The following ATXN3 variants were observed in gnomAD, a reference collection of about 807,000 sequenced individuals.
ATXN3 encodes ataxin 3.
In ATXN3, 28 loss-of-function variants were observed where a neutral mutation model predicts 58.2. The ratio of observed to expected loss-of-function variants is 0.48; its 90% CI spans 0.36 to 0.66. The LOEUF (loss-of-function observed/expected upper bound fraction) is 0.66, where lower values mean the gene tolerates loss of function less well. Ranked by LOEUF, ATXN3 falls within the 30% of genes least tolerant of loss-of-function variation. The pLI, the probability that ATXN3 is intolerant of heterozygous loss-of-function variation, is 0.00. For synonymous variants in ATXN3, 113 were observed against 138.5 expected (o/e 0.82, Z 1.29); for missense variants, 321 against 422.1 (o/e 0.76, Z 2.10).
chr14:92,093,938 C>T (rs1595905229), intron 3 of ATXN3, 107 bp from the exon 4 acceptor site: 3 of 612,780 alleles, frequency 4.9e-6, no homozygotes, highest in Non-Finnish European at 2.8e-6. Flanking sequence ...CTCTAGAAGG[C>T]TATAGGTTTT....
intron 2 of ATXN3, among the ~76,000 whole-genome samples, chr14:92,046,093 G>A (rs933624716): frequency 2.6e-5 from 4 of 152,192 alleles, no homozygotes; most frequent in Non-Finnish European, 4.4e-5. Context: ...CCATATAACA[G>A]CATTGTGGTG....
chr14:92,091,433 A>T (rs1049622801), intron 5 of ATXN3, among the ~76,000 whole-genome samples: 26 of 150,066 alleles, frequency 1.7e-4, no homozygotes, highest in African/African-American at 6.2e-4. Flanking sequence ...CCTGGGCGAT[A>T]GAGCAAGAAT....
intron 3 of ATXN3, among the ~76,000 whole-genome samples, chr14:92,094,561 T>G (rs1363389676): frequency 6.6e-6 from 1 of 152,142 alleles, no homozygotes; most frequent in Non-Finnish European, 1.5e-5. Flanking sequence ...AAACTGAAGG[T>G]TCCATAGATG....
intron 1 of ATXN3, among the ~76,000 whole-genome samples, chr14:92,048,388 G>A (rs756799172): frequency 1.7e-4 from 26 of 152,168 alleles, no homozygotes; most frequent in East Asian, 9.6e-4. Flanking sequence ...TTTGAGGGCC[G>A]GAATCTAATT....
intron 5 of ATXN3, among the ~76,000 whole-genome samples, chr14:92,090,144 C>G (rs1282992644): frequency 6.6e-6 from 1 of 152,194 alleles, no homozygotes; most frequent in African/African-American, 2.4e-5. Context: ...AGATGGTCAT[C>G]TAGTCTGGAG....
intron 2 of ATXN3, among the ~76,000 whole-genome samples, chr14:92,046,502 G>A (rs1389484883): frequency 2.6e-5 from 4 of 152,236 alleles, no homozygotes; most frequent in African/African-American, 7.2e-5. Context: ...GCATGGTCCT[G>A]GCTCTTGTGT....
At chr14:92,093,529 G>A in intron 4 of ATXN3, 2 of 621,578 alleles carry the variant, frequency 3.2e-6, no homozygotes, top group Non-Finnish European at 5.7e-6. Context: ...ACCACTTATG[G>A]GGTCAGCTCT....
At chr14:92,070,775 T>C in intron 10 of ATXN3, 160 bp downstream of exon 10, 6 of 1,343,242 alleles carry the variant, frequency 4.5e-6, no homozygotes, top group Non-Finnish European at 5.9e-6. Flanking sequence ...TGGTAACTGC[T>C]CCTTAATCCA....
intron 1 of ATXN3, among the ~76,000 whole-genome samples, chr14:92,099,326 A>G (rs867682450): frequency 6.6e-6 from 1 of 152,214 alleles, no homozygotes; most frequent in African/African-American, 2.4e-5. Context: ...TATGGGTTAT[A>G]TGTGTATAAT....
Position 92,085,102 on chromosome 14 carries a change from T to C in ATXN3, c.476-1844A>G, listed in dbSNP as rs529273872. On this transcript the variant is annotated intron_variant, in intron 6 of 10. Coordinates refer to ENST00000644486, the MANE Select transcript of ATXN3 (RefSeq NM_004993.6). ...AATATGCCAGCTCACCATGGTATTC[T>C]ATGAAGAGTGTCTGAAGAATGGATA... is the stretch of plus-strand genomic sequence containing the variant. 5.3e-5 allele frequency among the ~76,000 whole-genome samples: 8 copies of C among 152,306 alleles called. No individual in the cohort carries two copies. In the South Asian group the frequency reaches 1.4e-3, roughly 28 times the overall value.
intron 6 of ATXN3, among the ~76,000 whole-genome samples, chr14:92,088,070 C>G (rs1468418652): frequency 2.0e-5 from 3 of 150,230 alleles, no homozygotes; most frequent in Non-Finnish European, 4.4e-5. Context: ...TTTTTTTTTT[C>G]TTTTCTTTTT....
chr14:92,067,008 G>A (rs1270592322), intron 10 of ATXN3, among the ~76,000 whole-genome samples: 2 of 151,968 alleles, frequency 1.3e-5, no homozygotes, highest in Non-Finnish European at 2.9e-5. Context: ...GACTTCAGGT[G>A]ATCTGCCTGC....
chr14:92,057,750 T>C (rs1322871512), downstream of ATXN3, among the ~76,000 whole-genome samples: 1 of 152,256 alleles, frequency 6.6e-6, no homozygotes, highest in Non-Finnish European at 1.5e-5. Context: ...ACATTTGGAT[T>C]CTGGTGTCCA....
At position 92,096,083 on chromosome 14, in the gene ATXN3, G is replaced by T; in HGVS notation, c.234+10C>A. On this transcript the variant is annotated intron_variant, in intron 3 of 10. Transcript: ENST00000644486. ...TAAGCAACACATAGTACATGCTTGT[G>T]ACTACTTACCTGAATAGAGAAAAAA... The T allele has an allele frequency of 6.9e-7, 1 of 1,450,478 alleles. No individual in the cohort carries two copies. The highest frequency in any genetic ancestry group is 1.1e-5 in the South Asian group (1 of 88,762). 89.9% of individuals were successfully genotyped at this position (1,450,478 alleles called of 1,614,324 possible). A position where few individuals can be genotyped will look rare whatever the true frequency, so the allele number is the denominator to read the frequency against.
At chr14:92,098,054 A>G (rs2065845142) in intron 1 of ATXN3, among the ~76,000 whole-genome samples, 1 of 152,084 alleles carries the variant, frequency 6.6e-6, no homozygotes, top group Non-Finnish European at 1.5e-5. Context: ...AGTCTCCCTC[A>G]TTTTCAGTAC....
intron 1 of ATXN3, 122 bp downstream of exon 1, chr14:92,106,407 C>A: frequency 7.6e-7 from 1 of 1,319,140 alleles, no homozygotes; most frequent in Non-Finnish European, 1.1e-6. Flanking sequence ...CGTCGCCCCT[C>A]GCCGGGCGAG....
intron 1 of ATXN3, 70 bp from the exon 2 acceptor site, chr14:92,096,908 TA>T (rs934997552): frequency 2.9e-5 from 36 of 1,225,154 alleles, no homozygotes; most frequent in Non-Finnish European, 8.0e-6. Flanking sequence ...TTCCCCTAAA[TA>T]ATTTTTTTTT....
At chr14:92,100,741 T>C (rs998996714) in intron 1 of ATXN3, among the ~76,000 whole-genome samples, 1 of 152,144 alleles carries the variant, frequency 6.6e-6, no homozygotes, top group Admixed American at 6.6e-5. Context: ...AGACAGTACC[T>C]AGAAAAGGGA....
In ATXN3 at chr14:92,088,587, A is replaced by G. The variant is rs959875590; in HGVS notation, c.475+143T>C. Reference sequence around the variant, plus strand: ...ACTCTAACTGAACAGCGTCACCCAAATCACAGCCTATCACCACGTCAAAAC... The same window carrying G: ...ACTCTAACTGAACAGCGTCACCCAAGTCACAGCCTATCACCACGTCAAAAC... On this transcript the variant is annotated intron_variant, in intron 6 of 10. Coordinates refer to ENST00000644486, the MANE Select transcript of ATXN3 (RefSeq NM_004993.6). The G allele has an allele frequency of 1.8e-5, 12 of 680,162 alleles. No homozygotes were observed. The Admixed American group carries it at 2.2e-4, about 12-fold the overall frequency. The allele number at this position is 680,162 out of a possible 1,614,324, so 42.1% of individuals were successfully genotyped here. A position where few individuals can be genotyped will look rare whatever the true frequency, so the allele number is the denominator to read the frequency against.
Sources: allele counts gnomAD v4.1 joint callset (sites outside exome capture counted in the v4.1 genomes callset), GRCh38; gene constraint gnomAD v4.1.1; transcripts MANE v1.5; gene names NCBI Gene and HGNC (gene_info 2026-07-23, HGNC 2026-07-21).